The following ZEB1 variants were observed in gnomAD, a reference collection of about 807,000 sequenced individuals.
The protein encoded by ZEB1 is zinc finger E-box binding homeobox 1, also known as zinc finger E-box-binding homeobox 1.
A neutral mutation model predicts 84.9 loss-of-function variants in ZEB1; 21 were observed. The observed-to-expected ratio is 0.25, with a 90% CI of 0.18 to 0.36. ZEB1 has a LOEUF of 0.36. ZEB1 is among the 10% of genes least tolerant of loss of function. The pLI is 1.00. For missense variants in ZEB1, 1,104 were observed against 1,330.2 expected (o/e 0.83, Z 2.65); for synonymous variants, 420 against 471.1 (o/e 0.89, Z 1.41).
At chr10:31,515,990 G>A (rs1455234573) in intron 6 of ZEB1, among the ~76,000 whole-genome samples, 1 of 152,030 alleles carries the variant, frequency 6.6e-6, no homozygotes, top group Non-Finnish European at 1.5e-5. Context: ...TAAGATTCAT[G>A]TATATAATGA....
chr10:31,357,769 C>T (rs2042343828), intron 1 of ZEB1, among the ~76,000 whole-genome samples: 1 of 151,876 alleles, frequency 6.6e-6, no homozygotes, highest in African/African-American at 2.4e-5. Context: ...TTGGTTAGCT[C>T]ACATAAGAAA....
At chr10:31,456,006 C>A (rs2061170063) in intron 1 of ZEB1, among the ~76,000 whole-genome samples, 1 of 152,108 alleles carries the variant, frequency 6.6e-6, no homozygotes, top group Admixed American at 6.5e-5. Context: ...TGGAACCAAC[C>A]CAAATGTCCA....
chr10:31,489,406 T>A (rs77287511), intron 2 of ZEB1, among the ~76,000 whole-genome samples: 2 of 151,378 alleles, frequency 1.3e-5, no homozygotes, highest in African/African-American at 2.4e-5. Flanking sequence ...GGATTTTTTT[T>A]ATTATTTTTG....
intron 2 of ZEB1, among the ~76,000 whole-genome samples, chr10:31,469,271 G>A (rs925299505): frequency 2.6e-5 from 4 of 152,158 alleles, no homozygotes; most frequent in East Asian, 1.9e-4. Flanking sequence ...CGCAGAAGAC[G>A]GGTGATTTCT....
intron 1 of ZEB1, among the ~76,000 whole-genome samples, chr10:31,457,542 A>G (rs965081237): frequency 4.6e-5 from 7 of 152,152 alleles, no homozygotes; most frequent in Middle Eastern, 6.4e-3. Context: ...TTTATGACAC[A>G]TATCAAACAT....
chr10:31,381,030 C>G (rs2047534755), intron 1 of ZEB1, among the ~76,000 whole-genome samples: 1 of 152,152 alleles, frequency 6.6e-6, no homozygotes, highest in Middle Eastern at 3.4e-3. Context: ...TTCATTAAAT[C>G]AACAAGCTGA....
rs2032984407 is a variant in ZEB1 at position 31,319,287 on chromosome 10, A to G, written c.53A>G (p.Asn18Ser). ...KRRKQANPRR[N>S]NVTNYNTVVE... ...AGAAAGCAGGCGAACCCGCGGCGCA[A>G]TAACGGTGAGTGGCGGAGGGGACCG... Residue 18 changes from asparagine to serine, a missense_variant, in exon 1 of 9, where the codon AAT becomes AGT. By Grantham distance (46) the Asn-to-Ser change is conservative (BLOSUM62 1). This residue lies in a region of ZEB1 where 162 missense variants were observed against 184.5 expected (regional missense o/e 0.88). Transcript: ENST00000424869. 1 of 1,607,304 alleles carries G rather than the reference A, an allele frequency of 6.2e-7. No individual in the cohort carries two copies. Among genetic ancestry groups the G allele is most frequent in the Non-Finnish European group, 8.5e-7 (1 of 1,177,544 alleles).
At chr10:31,450,763 A>G (rs1474222262) in intron 1 of ZEB1, among the ~76,000 whole-genome samples, 4 of 152,118 alleles carry the variant, frequency 2.6e-5, no homozygotes, top group Admixed American at 6.5e-5. Context: ...TTTGTCCTTT[A>G]TGTTAATATA....
rs369650928 is a variant in ZEB1 at position 31,446,208 on chromosome 10, C to G, written c.59-14829C>G. Among the ~76,000 whole-genome samples the G allele has an allele frequency of 2.6e-4, 39 of 152,108 alleles. 1 individual carries two copies. The East Asian group carries it at 2.9e-3, about 11-fold the overall frequency. ...GATTTTCTAGTTTATTTGCATAGAG[C>G]TGTTTGTAGTATTCTCTGATGGTAG... On this transcript the variant is annotated intron_variant, in intron 1 of 8. Coordinates refer to ENST00000424869, the MANE Select transcript of ZEB1 (RefSeq NM_001174096.2).
chr10:31,406,367 CTTTT>C (rs931762727), intron 1 of ZEB1, among the ~76,000 whole-genome samples: 2 of 151,954 alleles, frequency 1.3e-5, no homozygotes, highest in East Asian at 3.9e-4. Context: ...TGTTTCCTGA[CTTTT>C]TAATGATCGC....
At chr10:31,348,554 A>G (rs1232967529) in intron 1 of ZEB1, among the ~76,000 whole-genome samples, 1 of 152,072 alleles carries the variant, frequency 6.6e-6, no homozygotes, top group Non-Finnish European at 1.5e-5. Context: ...ACAGAGTGAG[A>G]CTCGGTCTCA....
At chr10:31,336,650 CA>C in intron 1 of ZEB1, among the ~76,000 whole-genome samples, 1 of 152,182 alleles carries the variant, frequency 6.6e-6, no homozygotes, top group African/African-American at 2.4e-5. Flanking sequence ...TAAAGATGAA[CA>C]ATCTGATAGA....
At chr10:31,372,139 T>C (rs1487198317) in intron 1 of ZEB1, among the ~76,000 whole-genome samples, 1 of 152,102 alleles carries the variant, frequency 6.6e-6, no homozygotes, top group Non-Finnish European at 1.5e-5. Context: ...TTTGCACCTT[T>C]TATAGTTGAA....
intron 1 of ZEB1, among the ~76,000 whole-genome samples, chr10:31,334,909 A>T (rs1400055271): frequency 6.6e-6 from 1 of 152,182 alleles, no homozygotes; most frequent in African/African-American, 2.4e-5. Context: ...TACCAATTCT[A>T]GACAGGTTTA....
intron 1 of ZEB1, among the ~76,000 whole-genome samples, chr10:31,442,361 G>C (rs1276175871): frequency 6.6e-6 from 1 of 151,772 alleles, no homozygotes; most frequent in Non-Finnish European, 1.5e-5. Flanking sequence ...TGAACAATGA[G>C]AACACTTGGA....
At chr10:31,352,278 A>G (rs1261476893) in intron 1 of ZEB1, among the ~76,000 whole-genome samples, 1 of 152,210 alleles carries the variant, frequency 6.6e-6, no homozygotes, top group Non-Finnish European at 1.5e-5. Context: ...ATGTAAAATG[A>G]GTGTAACTTT....
At chr10:31,348,884 T>C (rs892133382) in intron 1 of ZEB1, among the ~76,000 whole-genome samples, 3 of 152,240 alleles carry the variant, frequency 2.0e-5, no homozygotes, top group Admixed American at 6.5e-5. Flanking sequence ...CATTGTGGAA[T>C]GGCTAAATCA....
chr10:31,508,139 G>A (rs1005881683), intron 4 of ZEB1, among the ~76,000 whole-genome samples: 1 of 152,136 alleles, frequency 6.6e-6, no homozygotes, highest in African/African-American at 2.4e-5. Context: ...GCTGGGACAG[G>A]GATGCCAGGT....
chr10:31,337,667 T>A (rs6481744), intron 1 of ZEB1, among the ~76,000 whole-genome samples: 6,657 of 150,366 alleles, frequency 0.044, 513 homozygotes, highest in African/African-American at 0.16. Context: ...CAGATAAAGC[T>A]TAATAATTTC....
Sources: allele counts gnomAD v4.1 joint callset (sites outside exome capture counted in the v4.1 genomes callset), GRCh38; gene constraint gnomAD v4.1.1; regional missense constraint gnomAD v4.1.1; transcripts MANE v1.5; gene names NCBI Gene and HGNC (gene_info 2026-07-23, HGNC 2026-07-21).